The following SULF2 variants were observed in gnomAD, a reference collection of about 807,000 sequenced individuals.
SULF2 encodes the protein sulfatase 2.
In SULF2, 52 loss-of-function variants were observed where a neutral mutation model predicts 107.7. The ratio of observed to expected loss-of-function variants is 0.48; its 90% confidence interval spans 0.39 to 0.61. The LOEUF is 0.61. Ranked by LOEUF, SULF2 falls within the 20% of genes least tolerant of loss-of-function variation. The pLI is 0.00. For missense variants in SULF2, 993 were observed against 1,177.3 expected (o/e 0.84, Z 2.29); for synonymous variants, 460 against 464.3 (o/e 0.99, Z 0.12).
intron 1 of SULF2, among the ~76,000 whole-genome samples, chr20:47,765,151 A>G (rs1323490994): frequency 6.6e-6 from 1 of 152,068 alleles, no homozygotes; most frequent in African/African-American, 2.4e-5. Flanking sequence ...GGAGATCGAG[A>G]CCATCCTGGG....
intron 15 of SULF2, 40 bp downstream of exon 15, chr20:47,664,090 G>C (rs1342102566): frequency 3.1e-6 from 5 of 1,591,044 alleles, no homozygotes; most frequent in African/African-American, 1.3e-5. Context: ...CCTCATGCAG[G>C]CCTCTGCATC....
intron 13 of SULF2, 118 bp downstream of exon 13, chr20:47,665,739 C>G: frequency 1.2e-6 from 1 of 800,342 alleles, no homozygotes; most frequent in South Asian, 1.6e-5. Flanking sequence ...GTGGGGACCT[C>G]ACTTCACCTC....
chr20:47,710,997 C>T (rs2088908901), intron 3 of SULF2, among the ~76,000 whole-genome samples: 1 of 152,178 alleles, frequency 6.6e-6, no homozygotes, highest in African/African-American at 2.4e-5. Flanking sequence ...AGCTGTGTCT[C>T]GTGGCGACCA....
intron 3 of SULF2, among the ~76,000 whole-genome samples, chr20:47,712,659 G>A (rs1173439073): frequency 1.3e-5 from 2 of 152,204 alleles, no homozygotes; most frequent in Non-Finnish European, 2.9e-5. Context: ...AGCTGTGCAA[G>A]GTGGGGCAGC....
intron 1 of SULF2, among the ~76,000 whole-genome samples, chr20:47,781,077 A>T (rs543523722): frequency 6.6e-6 from 1 of 152,248 alleles, no homozygotes. Flanking sequence ...TCATGGTGGG[A>T]GGTTAGACAA....
At chr20:47,767,811 G>A (rs2090554368) in intron 1 of SULF2, among the ~76,000 whole-genome samples, 2 of 151,462 alleles carry the variant, frequency 1.3e-5, no homozygotes, top group Admixed American at 6.6e-5. Context: ...GGTGACATGT[G>A]CCTGTAATCT....
rs765937759 is a variant in SULF2, at chr20:47,661,808, T to C, written c.2459A>G (p.Lys820Arg). 7.4e-5 allele frequency: 117 copies of C among 1,588,130 alleles called. 1 individual carries two copies. Among genetic ancestry groups the C allele is most frequent in the Non-Finnish European group, 9.5e-5 (110 of 1,162,166 alleles). Residue 820 changes from lysine (K) to arginine (R), a missense_variant, in exon 18 of 21, where the codon AAG becomes AGG. This residue lies in a region of SULF2 where 497 missense variants were observed against 544.1 expected (regional missense o/e 0.91). Coordinates refer to ENST00000688720, the MANE Select transcript of SULF2 (RefSeq NM_001387048.1). The part of the protein sequence containing the change: ...LMELRSCKGY[K>R]QCNPRTRNMD... ...GTTTCGAGTCCGGGGGTTACACTGC[T>C]TGTAACCCTTGCAGCTCCTCAGCTC... is the stretch of plus-strand genomic sequence containing the variant.
intron 4 of SULF2, among the ~76,000 whole-genome samples, chr20:47,699,879 A>G (rs780907691): frequency 4.6e-5 from 7 of 152,162 alleles, no homozygotes; most frequent in Admixed American, 6.5e-5. Context: ...CACCTTCTCC[A>G]CCGTCTCCAC....
intron 11 of SULF2, among the ~76,000 whole-genome samples, chr20:47,670,834 T>C (rs2087445812): frequency 6.6e-6 from 1 of 151,322 alleles, no homozygotes; most frequent in South Asian, 2.1e-4. Flanking sequence ...CACTACTGGA[T>C]ACTTAAAAAT....
chr20:47,703,203 G>A (rs969468812), intron 3 of SULF2, among the ~76,000 whole-genome samples: 1 of 152,208 alleles, frequency 6.6e-6, no homozygotes, highest in African/African-American at 2.4e-5. Flanking sequence ...GGCCTACTGT[G>A]TCTTTTAAAA....
intron 3 of SULF2, among the ~76,000 whole-genome samples, chr20:47,730,509 G>A (rs997838546): frequency 6.6e-6 from 1 of 152,110 alleles, no homozygotes; most frequent in Non-Finnish European, 1.5e-5. Flanking sequence ...GGAGTGCAGT[G>A]GTGCAATCTC....
rs150432251 is a variant in SULF2 at position 47,678,538 on chromosome 20, G to A, written c.1193+138C>T. The A allele has an allele frequency of 2.2e-5, 24 of 1,073,590 alleles. No homozygotes were observed. The African/African-American group carries it at 3.0e-4, about 13-fold the overall frequency. The allele number at this position is 1,073,590 out of a possible 1,614,324, so 66.5% of individuals were successfully genotyped here. A position where few individuals can be genotyped will look rare whatever the true frequency, so the allele number is the denominator to read the frequency against. ...CATGCTTCTCTCCCACAGCAGGTAA[G>A]TGGTTGGCATGGCGGGACCTGAGAA... On this transcript the variant is annotated intron_variant, in intron 8 of 20. Transcript: ENST00000688720. This position sits in a 1 kb window ranked among gnomAD's most constrained non-coding sequence, Gnocchi z 4.5.
intron 10 of SULF2, chr20:47,672,641 T>A: frequency 7.5e-6 from 6 of 794,750 alleles, no homozygotes; most frequent in Non-Finnish European, 9.1e-6. Context: ...CCTGCTTCTG[T>A]CTGCTCCTAA....
chr20:47,770,971 G>T (rs1366727119), intron 1 of SULF2, among the ~76,000 whole-genome samples: 1 of 152,156 alleles, frequency 6.6e-6, no homozygotes, highest in East Asian at 1.9e-4. Context: ...AAGGGGAGGG[G>T]ACACAGACCC....
chr20:47,719,614 T>G (rs1217133884), intron 3 of SULF2, among the ~76,000 whole-genome samples: 1 of 152,338 alleles, frequency 6.6e-6, no homozygotes, highest in East Asian at 1.9e-4. Flanking sequence ...GGGACTGAAG[T>G]ACCCTCAACT....
intron 1 of SULF2, among the ~76,000 whole-genome samples, chr20:47,773,595 A>G (rs575150244): frequency 1.2e-3 from 179 of 152,394 alleles, no homozygotes; most frequent in Non-Finnish European, 1.4e-3. Flanking sequence ...GAGGAAGTAG[A>G]AATCAGATAC....
Position 47,663,464 on chromosome 20 carries a change from G to A in SULF2, c.2216C>T (p.Pro739Leu), listed in dbSNP as rs1284732541. ...CTGGGCTTGCTCACGTGTCCAGAAA[G>A]GCGCCGTCTGCCAGTGCTGGTTGTC... is the stretch of plus-strand genomic sequence containing the variant. ...THDNQHWQTA[P>L]FWTLGPFCAC... is the part of the protein sequence containing the mutation. Residue 739 changes from proline (P) to leucine (L), a missense_variant, in exon 16 of 21, where the codon CCT becomes CTT. Physicochemically the swap from Pro to Leu is moderately conservative, Grantham distance 98. This residue lies in a region of SULF2 where 497 missense variants were observed against 544.1 expected (regional missense o/e 0.91). Coordinates refer to ENST00000688720, the MANE Select transcript of SULF2 (RefSeq NM_001387048.1). 5 of 1,609,002 alleles carry A rather than the reference G, an allele frequency of 3.1e-6. No homozygotes were observed. Among genetic ancestry groups the A allele is most frequent in the Non-Finnish European group, 4.2e-6 (5 of 1,180,010 alleles).
chr20:47,729,495 T>C (rs1318286833), intron 3 of SULF2, among the ~76,000 whole-genome samples: 1 of 151,902 alleles, frequency 6.6e-6, no homozygotes, highest in Non-Finnish European at 1.5e-5. Flanking sequence ...GTGGCGCGGA[T>C]GGGCTGGTGG....
At chr20:47,731,183 TTCTC>T (rs200339548) in intron 3 of SULF2, among the ~76,000 whole-genome samples, 9 of 112,488 alleles carry the variant, frequency 8.0e-5, no homozygotes, top group South Asian at 2.9e-4. Flanking sequence ...CACCTGTATC[TTCTC>T]TTTTTTTTTT....
Sources: gnomAD v4.1 joint callset for allele counts (sites outside exome capture counted in the v4.1 genomes callset) on GRCh38, gnomAD v4.1.1 for gene constraint, gnomAD v4.1.1 regional missense constraint, Gnocchi (gnomAD v3.1) non-coding constraint, MANE v1.5 for transcripts, NCBI Gene and HGNC (gene_info 2026-07-23, HGNC 2026-07-21) for gene names.